SORBS2: variants seen among roughly 807,000 people sequenced by gnomAD.
SORBS2 encodes sorbin and SH3 domain containing 2.
A neutral mutation model predicts 97.7 loss-of-function variants in SORBS2; 46 were observed. That is an observed-to-expected ratio of 0.47 (90% CI 0.37 to 0.60). The LOEUF (loss-of-function observed/expected upper bound fraction) is 0.60. Ranked by LOEUF, SORBS2 falls within the 20% of genes least tolerant of loss-of-function variation. The pLI is 0.00. For synonymous variants in SORBS2, 476 were observed against 473.4 expected, an observed-to-expected ratio of 1.01 and a Z score of -0.07; for missense variants, 1,316 against 1,282.3, an observed-to-expected ratio of 1.03 and a Z score of -0.40.
chr4:185,899,539 C>T (rs552089099), intron 1 of SORBS2, among the ~76,000 whole-genome samples: 4 of 152,128 alleles, frequency 2.6e-5, no homozygotes, highest in Admixed American at 2.0e-4. Flanking sequence ...GATCCTCCCC[C>T]CTCAGCCTCC....
chr4:185,936,240 G>A (rs1247740493), intron 1 of SORBS2, among the ~76,000 whole-genome samples: 1 of 152,198 alleles, frequency 6.6e-6, no homozygotes, highest in Admixed American at 6.5e-5. Context: ...TAAATATAAA[G>A]CCTTCACAAG....
At chr4:185,928,238 T>C (rs1330684307) in intron 1 of SORBS2, among the ~76,000 whole-genome samples, 1 of 152,054 alleles carries the variant, frequency 6.6e-6, no homozygotes, top group Non-Finnish European at 1.5e-5. Context: ...AGATCCTGTC[T>C]CTATAAAAAA....
At chr4:185,653,403 G>A (rs992555247) in intron 1 of SORBS2, among the ~76,000 whole-genome samples, 1 of 152,194 alleles carries the variant, frequency 6.6e-6, no homozygotes, top group East Asian at 1.9e-4. Flanking sequence ...GGACATGAGG[G>A]GAGCAGTAGG....
chr4:185,642,172 C>T (rs2097137343), intron 4 of SORBS2, among the ~76,000 whole-genome samples: 1 of 152,108 alleles, frequency 6.6e-6, no homozygotes, highest in South Asian at 2.1e-4. Context: ...TCAGATGAAA[C>T]TCCTTAAATT....
At chr4:185,751,197 A>AAAAAAAAAAAAAAAATT in intron 2 of SORBS2, among the ~76,000 whole-genome samples, 1 of 150,288 alleles carries the variant, frequency 6.7e-6, no homozygotes, top group Non-Finnish European at 1.5e-5. Flanking sequence ...AAAAAGAGAA[A>AAAAAAAAAAAAAAAATT]GAGAGAGAAA....
In SORBS2 at chr4:185,806,434, CTATTTTTTTTTTTTTTTTTTT is replaced by C. The variant is rs1481097915; in HGVS notation, c.-337-31089_-337-31069del. Among the ~76,000 whole-genome samples, 12 of 108,148 alleles carry C rather than the reference CTATTTTTTTTTTTTTTTTTTT, an allele frequency of 1.1e-4. 1 individual carries two copies. Among genetic ancestry groups the C allele is most frequent in the African/African-American group, 3.3e-4 (9 of 27,296 alleles). The allele number at this position is 108,148 out of a possible 152,430, so 70.9% of individuals were successfully genotyped here. A position where few individuals can be genotyped will look rare whatever the true frequency, so the allele number is the denominator to read the frequency against. On this transcript the variant is annotated intron_variant, in intron 1 of 20. Coordinates refer to the SORBS2 transcript ENST00000284776. The stretch of plus-strand genomic sequence containing the variant: ...AGTGGCACAGCTCTTGGCTAGAATC[CTATTTTTTTTTTTTTTTTTTT>C]TTTTTTTTTTTTTTTTTTTTGAGAC...
intron 1 of SORBS2, among the ~76,000 whole-genome samples, chr4:185,793,953 G>A (rs561345873): frequency 6.6e-6 from 1 of 152,304 alleles, no homozygotes; most frequent in African/African-American, 2.4e-5. Flanking sequence ...CTCCTGCCTG[G>A]CCTGCCCCTT....
Position 185,623,892 on chromosome 4 carries a change from G to A in SORBS2, c.1237C>T (p.Arg413Cys), listed in dbSNP as rs749631099. 6 of 1,614,042 alleles carry A rather than the reference G, an allele frequency of 3.7e-6. No individual in the cohort carries two copies. In the African/African-American group the frequency reaches 4.0e-5, roughly 11 times the overall value. ...ATCAGCTTTTCGAATTCGGAGATGC[G>A]TGTGGGCACCATGTCCCGGGGCACC... is the stretch of plus-strand genomic sequence containing the variant. Residue 413 changes from arginine to cysteine, a missense_variant, in exon 7 of 15, where the codon CGC becomes TGC. Coordinates refer to ENST00000418609, the Ensembl canonical transcript of SORBS2. This position sits in a 1 kb window ranked among gnomAD's most constrained non-coding sequence, Gnocchi z 6.4.
chr4:185,720,437 T>A (rs193011211), intron 2 of SORBS2, among the ~76,000 whole-genome samples: 1 of 152,310 alleles, frequency 6.6e-6, no homozygotes, highest in Non-Finnish European at 1.5e-5. Context: ...ACGGCGGCTA[T>A]TGAACGTATT....
At position 185,621,761 on chromosome 4, in the gene SORBS2, A is replaced by G. The variant is rs528189000; in HGVS notation, c.2215+1153T>C. Among the ~76,000 whole-genome samples, 24 of 152,062 alleles carry G rather than the reference A, an allele frequency of 1.6e-4. No individual in the cohort carries two copies. In the South Asian group the frequency reaches 5.0e-3, roughly 32 times the overall value. ...AATTATGTCTTTTTTTTTGTCTGAG[A>G]TTATATTTTATACTATAAATTCTGA... On this transcript the variant is annotated intron_variant, in intron 7 of 14. Coordinates refer to ENST00000418609, the Ensembl canonical transcript of SORBS2.
chr4:185,707,966 C>T (rs1231998933), intron 2 of SORBS2, among the ~76,000 whole-genome samples: 3 of 152,180 alleles, frequency 2.0e-5, no homozygotes, highest in African/African-American at 7.2e-5. Flanking sequence ...ATCAGTATTT[C>T]TCTGTGTTTC....
At chr4:185,642,062 AT>A (rs2097135984) in intron 4 of SORBS2, among the ~76,000 whole-genome samples, 1 of 152,156 alleles carries the variant, frequency 6.6e-6, no homozygotes. Flanking sequence ...CGCTCATTCC[AT>A]TTTAAGTTTT....
intron 12 of SORBS2, among the ~76,000 whole-genome samples, chr4:185,595,160 C>T (rs2096056382): frequency 6.6e-6 from 1 of 152,148 alleles, no homozygotes; most frequent in Admixed American, 6.5e-5. Context: ...TAGCATAAGA[C>T]TAGGTACTCA....
chr4:185,832,898 G>A (rs1030710385), intron 1 of SORBS2, among the ~76,000 whole-genome samples: 2 of 152,174 alleles, frequency 1.3e-5, no homozygotes, highest in African/African-American at 4.8e-5. Flanking sequence ...TGATTAGTCC[G>A]AATTCAGGGG....
At chr4:185,824,950 A>G (rs2153671505) in intron 1 of SORBS2, among the ~76,000 whole-genome samples, 1 of 152,274 alleles carries the variant, frequency 6.6e-6, no homozygotes, top group South Asian at 2.1e-4. Context: ...GAGATTGATC[A>G]GGGGGCTTCC....
intron 1 of SORBS2, among the ~76,000 whole-genome samples, chr4:185,654,591 G>A (rs2097365607): frequency 6.6e-6 from 1 of 152,108 alleles, no homozygotes. Context: ...TGCTGGCAAA[G>A]GGAAATATGA....
intron 11 of SORBS2, 77 bp downstream of exon 23, chr4:185,614,754 T>C: frequency 6.6e-7 from 1 of 1,520,754 alleles, no homozygotes; most frequent in Non-Finnish European, 8.9e-7. Context: ...ATTTTAGTTT[T>C]GAAAATATAC....
intron 3 of SORBS2, among the ~76,000 whole-genome samples, 200 bp from the exon 13 acceptor site, chr4:185,646,982 G>A (rs2097218650): frequency 6.6e-6 from 1 of 151,210 alleles, no homozygotes; most frequent in African/African-American, 2.4e-5. Context: ...TAGACGCGCA[G>A]AGAGTGAGTC....
chr4:185,956,192 A>G (rs1418164969), intron 1 of SORBS2: 2 of 152,216 alleles, frequency 1.3e-5, no homozygotes, highest in East Asian at 3.9e-4. Context: ...AAAGGAAGTG[A>G]TACCTTTGGA....
Sources: gnomAD v4.1 joint callset for allele counts (sites outside exome capture counted in the v4.1 genomes callset) on GRCh38, gnomAD v4.1.1 for gene constraint, Gnocchi (gnomAD v3.1) non-coding constraint, MANE v1.5 for transcripts, NCBI Gene and HGNC (gene_info 2026-07-23, HGNC 2026-07-21) for gene names.